RAD51B: variants seen among roughly 807,000 people sequenced by gnomAD.
The protein encoded by RAD51B is RAD51 paralog B.
Under a neutral mutation model 42.2 loss-of-function variants are expected in RAD51B, and 38 were observed. That is an observed-to-expected ratio of 0.90 (90% CI 0.70 to 1.18). RAD51B has a LOEUF of 1.18. Among genes scored for constraint, RAD51B ranks in the 50% most tolerant of loss-of-function variants. The pLI, the probability that RAD51B is intolerant of heterozygous loss-of-function variation, is 0.00. For synonymous variants in RAD51B, 154 were observed against 145.2 expected (o/e 1.06, Z -0.43); for missense variants, 373 against 400.7 (o/e 0.93, Z 0.59).
intron 7 of RAD51B, among the ~76,000 whole-genome samples, chr14:68,101,638 G>A (rs1039982165): frequency 1.3e-5 from 2 of 152,198 alleles, no homozygotes; most frequent in Non-Finnish European, 2.9e-5. Context: ...ATGGCCTTGG[G>A]CAGCTCCACC....
At chr14:67,935,365 T>G (rs1334045676) in intron 7 of RAD51B, among the ~76,000 whole-genome samples, 1 of 152,192 alleles carries the variant, frequency 6.6e-6, no homozygotes, top group Non-Finnish European at 1.5e-5. Flanking sequence ...AATACAACTC[T>G]TAAAAAAGTT....
intron 10 of RAD51B, among the ~76,000 whole-genome samples, chr14:68,594,134 A>AC (rs1040473579): frequency 3.8e-5 from 2 of 52,472 alleles, no homozygotes; most frequent in Admixed American, 2.4e-4. Flanking sequence ...CGTGCTCCCC[A>AC]CCCCCACACG....
chr14:68,682,742 C>T (rs1187814702), intron 11 of RAD51B, among the ~76,000 whole-genome samples: 3 of 151,628 alleles, frequency 2.0e-5, no homozygotes, highest in Non-Finnish European at 4.4e-5. Context: ...AAAGCAGGGA[C>T]GTGGGGGTGG....
At chr14:67,911,060 C>T (rs2043963595) in intron 7 of RAD51B, among the ~76,000 whole-genome samples, 1 of 152,118 alleles carries the variant, frequency 6.6e-6, no homozygotes, top group African/African-American at 2.4e-5. Context: ...TCAAGTGATC[C>T]ACCCATCTGT....
chr14:68,010,390 C>G (rs936387363), intron 7 of RAD51B, among the ~76,000 whole-genome samples: 1 of 151,768 alleles, frequency 6.6e-6, no homozygotes, highest in Non-Finnish European at 1.5e-5. Context: ...TATAGAAATT[C>G]AGATAAAAAG....
intron 10 of RAD51B, chr14:68,627,278 G>A (rs561049854): frequency 6.6e-6 from 1 of 152,348 alleles, no homozygotes; most frequent in East Asian, 1.9e-4. Flanking sequence ...GTCAAGGTTG[G>A]TAAGGGAGCT....
intron 10 of RAD51B, among the ~76,000 whole-genome samples, chr14:68,557,464 G>A (rs192321509): frequency 1.6e-3 from 245 of 152,272 alleles, no homozygotes; most frequent in Non-Finnish European, 2.9e-3. Flanking sequence ...TCATTTAGTT[G>A]AATCATTATA....
intron 7 of RAD51B, among the ~76,000 whole-genome samples, chr14:67,941,712 A>T (rs1317925134): frequency 6.6e-6 from 1 of 152,218 alleles, no homozygotes; most frequent in East Asian, 1.9e-4. Context: ...GGACATAGAG[A>T]TATAGCACAG....
chr14:68,233,834 T>A (rs2080193831), intron 7 of RAD51B, among the ~76,000 whole-genome samples: 1 of 152,180 alleles, frequency 6.6e-6, no homozygotes, highest in South Asian at 2.1e-4. Context: ...AAATACATTT[T>A]TTATGAATTG....
chr14:68,328,432 G>A (rs12878627), intron 8 of RAD51B, among the ~76,000 whole-genome samples: 74,080 of 151,990 alleles, frequency 0.49, 21,275 homozygotes, highest in South Asian at 0.65. Context: ...CTAGCCAGTG[G>A]ATTTGTTCTT....
chr14:67,910,517 A>G (rs1340003303), intron 7 of RAD51B, among the ~76,000 whole-genome samples: 1 of 151,558 alleles, frequency 6.6e-6, no homozygotes, highest in Non-Finnish European at 1.5e-5. Context: ...CTAGGAAACT[A>G]AATTACTGCT....
At chr14:68,486,715 CAACT>C (rs985485895) in intron 10 of RAD51B, among the ~76,000 whole-genome samples, 3 of 152,196 alleles carry the variant, frequency 2.0e-5, no homozygotes. Context: ...TAAACCCAAC[CAACT>C]AGTTGGATGA....
intron 11 of RAD51B, among the ~76,000 whole-genome samples, chr14:68,680,721 C>A (rs188847074): frequency 1.3e-5 from 2 of 152,126 alleles, no homozygotes; most frequent in African/African-American, 4.8e-5. Context: ...AAATAAACAA[C>A]GTCAACAGCT....
chr14:67,953,067 C>T (rs1355037940), intron 7 of RAD51B, among the ~76,000 whole-genome samples: 1 of 151,952 alleles, frequency 6.6e-6, no homozygotes, highest in Admixed American at 6.6e-5. Flanking sequence ...TTACTTCTGT[C>T]CTCAGAGAAC....
At position 67,819,808 on chromosome 14, in the gene RAD51B, CTG is replaced by C. The variant is rs1005407088; in HGVS notation, c.-44_-43del. On this transcript the variant is annotated 5_prime_UTR_variant, in exon 1 of 11. Transcript: ENST00000471583. ...CTTTGCGGCGTTTTCCGCGGGGAAA[CTG>C]TGTAAAGGGTGGGGAAACTTGAAAG... 6.6e-5 allele frequency: 10 copies of C among 152,240 alleles called. No homozygotes were observed. In the South Asian group the frequency reaches 1.0e-3, roughly 16 times the overall value. 9.4% of individuals were successfully genotyped at this position (152,240 alleles called of 1,614,324 possible). A position where few individuals can be genotyped will look rare whatever the true frequency, so the allele number is the denominator to read the frequency against.
chr14:68,097,889 A>T (rs2077221710), intron 7 of RAD51B, among the ~76,000 whole-genome samples: 1 of 152,000 alleles, frequency 6.6e-6, no homozygotes, highest in Non-Finnish European at 1.5e-5. Context: ...TTCTGGTCTT[A>T]CCTCCCACCA....
intron 4 of RAD51B, among the ~76,000 whole-genome samples, chr14:67,850,199 G>A (rs2041758988): frequency 6.6e-6 from 1 of 152,066 alleles, no homozygotes; most frequent in African/African-American, 2.4e-5. Flanking sequence ...TCCCACCGTC[G>A]TCTTGAACTC....
At chr14:68,493,538 G>A (rs1884247737) in intron 10 of RAD51B, among the ~76,000 whole-genome samples, 1 of 152,214 alleles carries the variant, frequency 6.6e-6, no homozygotes, top group African/African-American at 2.4e-5. Context: ...TTGCACATTT[G>A]TTGTGCTTTC....
intron 7 of RAD51B, among the ~76,000 whole-genome samples, chr14:67,968,600 A>G (rs748368876): frequency 3.3e-5 from 5 of 152,150 alleles, no homozygotes; most frequent in Non-Finnish European, 7.4e-5. Context: ...CTAAAACATA[A>G]CAAGAGTTAC....
Sources: gnomAD v4.1 joint callset for allele counts (sites outside exome capture counted in the v4.1 genomes callset) on GRCh38, gnomAD v4.1.1 for gene constraint, MANE v1.5 for transcripts, NCBI Gene and HGNC (gene_info 2026-07-23, HGNC 2026-07-21) for gene names.